OGFOD2: variants seen among roughly 807,000 people sequenced by gnomAD.
OGFOD2 encodes the protein 2-oxoglutarate and iron dependent oxygenase domain containing 2.
In OGFOD2, 34 loss-of-function variants were observed where a neutral mutation model predicts 31.1. The observed-to-expected ratio is 1.09, with a 90% CI of 0.83 to 1.45. The LOEUF (loss-of-function observed/expected upper bound fraction) is 1.45. OGFOD2 is among the 40% of genes most tolerant of loss of function. OGFOD2 has a pLI of 0.00. For missense variants in OGFOD2, 537 were observed against 433.9 expected, an observed-to-expected ratio of 1.24 and a Z score of -2.11; for synonymous variants, 240 against 192.3, an observed-to-expected ratio of 1.25 and a Z score of -2.05.
intron 2 of OGFOD2, 125 bp downstream of exon 2, chr12:122,975,992 C>T: frequency 6.2e-6 from 4 of 647,490 alleles, no homozygotes; most frequent in Non-Finnish European, 1.1e-5. Flanking sequence ...CACTTTCCTC[C>T]TTCCTGCCCC....
chr12:122,978,362 G>A (rs2037494420), intron 4 of OGFOD2, 80 bp from the exon 5 acceptor site: 4 of 1,567,468 alleles, frequency 2.6e-6, no homozygotes, highest in Admixed American at 3.5e-5. Flanking sequence ...TGGCACAGGT[G>A]ATGAAACAGG....
At position 122,978,986 on chromosome 12, in the gene OGFOD2, C is replaced by T. The variant is rs751901559; in HGVS notation, c.765C>T (p.Ala255=). 3.7e-6 allele frequency: 6 copies of T among 1,612,960 alleles called. No individual in the cohort carries two copies. The South Asian group carries it at 5.5e-5, about 15-fold the overall frequency. ...TGGGCAAGGTCTTCACAGGGGGCGCCCTGTATTTTGGGGGCCTCTTCCAGG... is the reference window on the plus strand; with the variant it reads ...TGGGCAAGGTCTTCACAGGGGGCGCTCTGTATTTTGGGGGCCTCTTCCAGG... The change falls in exon 6 of 7, where the codon GCC becomes GCT. Residue 255 remains alanine, a synonymous_variant. Transcript: ENST00000228922.
intron 2 of OGFOD2, 178 bp from the exon 3 acceptor site, chr12:122,976,476 G>A: frequency 2.0e-6 from 3 of 1,514,312 alleles, no homozygotes; most frequent in Non-Finnish European, 2.7e-6. Context: ...CCTTCTAGAA[G>A]TCCCTTTCAG....
exon 6 of OGFOD2, chr12:122,978,842 T>C: frequency 6.2e-7 from 1 of 1,612,810 alleles, no homozygotes; most frequent in Non-Finnish European, 8.5e-7. Flanking sequence ...TGCTGTACCC[T>C]GACTGTGGCG....
intron 1 of OGFOD2, 198 bp downstream of exon 1, chr12:122,975,581 G>A (rs2037394345): frequency 5.1e-6 from 3 of 592,970 alleles, no homozygotes; most frequent in Non-Finnish European, 3.0e-6. Flanking sequence ...AGGAAGGAAT[G>A]AACAAGCATG....
chr12:122,979,227 G>C (rs750254321), exon 7 of OGFOD2: 3 of 1,612,592 alleles, frequency 1.9e-6, no homozygotes, highest in Non-Finnish European at 2.5e-6. Flanking sequence ...AGCCTCTGCT[G>C]TGCGCAACAG....
At chr12:122,978,551 C>T in exon 5 of OGFOD2, 3 of 1,613,166 alleles carry the variant, frequency 1.9e-6, no homozygotes, top group Non-Finnish European at 2.5e-6. Context: ...GGAGGCCCAA[C>T]ACCATGAACA....
rs765785477 is a variant in OGFOD2 at position 122,977,075 on chromosome 12, A to AC, written c.403+107dup. On this transcript the variant is annotated intron_variant, in intron 4 of 6. Coordinates refer to ENST00000228922, the Ensembl canonical transcript of OGFOD2. ...CCAGCCACCATCTCTGCCTCCAAAAACCAAACCAGCAGGAGCTGGAAGGGT... is the reference window on the plus strand; with the variant it reads ...CCAGCCACCATCTCTGCCTCCAAAAACCCAAACCAGCAGGAGCTGGAAGGGT... 1.5e-5 allele frequency: 16 copies of AC among 1,092,614 alleles called. No individual in the cohort carries two copies. The Admixed American group carries it at 2.5e-4, about 17-fold the overall frequency. The allele number at this position is 1,092,614 out of a possible 1,614,324, so 67.7% of individuals were successfully genotyped here. A position where few individuals can be genotyped will look rare whatever the true frequency, so the allele number is the denominator to read the frequency against.
At chr12:122,978,802 G>A (rs899849755) in exon 6 of OGFOD2, 28 of 1,612,218 alleles carry the variant, frequency 1.7e-5, no homozygotes, top group African/African-American at 9.3e-5. Flanking sequence ...ACACCACTGC[G>A]GGAGCGCTTC....
chr12:122,975,644 G>A, intron 1 of OGFOD2, 167 bp from the exon 2 acceptor site: 1 of 618,052 alleles, frequency 1.6e-6, no homozygotes, highest in Non-Finnish European at 3.0e-6. Flanking sequence ...AGCAACACCA[G>A]CCCGGAGCCC....
chr12:122,976,312 G>T (rs753042138), intron 2 of OGFOD2: 10 of 1,523,386 alleles, frequency 6.6e-6, no homozygotes. Flanking sequence ...TCAGTGGTGG[G>T]AAGCTTCCCA....
exon 7 of OGFOD2, chr12:122,979,233 A>C (rs768432422): frequency 1.2e-6 from 2 of 1,612,624 alleles, no homozygotes; most frequent in Non-Finnish European, 1.7e-6. Context: ...TGCTGTGCGC[A>C]ACAGCCTCTG....
chr12:122,976,938 A>G, exon 4 of OGFOD2: 1 of 1,613,826 alleles, frequency 6.2e-7, no homozygotes, highest in East Asian at 2.2e-5. Context: ...GCAGACCTCA[A>G]GGGCCTTCTC....
exon 7 of OGFOD2, chr12:122,979,910 T>G: frequency 3.4e-6 from 1 of 296,776 alleles, no homozygotes; most frequent in Non-Finnish European, 6.2e-6. Context: ...CCCATTCTGC[T>G]TCTGCCACTT....
chr12:122,979,961 C>T, exon 7 of OGFOD2: 1 of 372,800 alleles, frequency 2.7e-6, no homozygotes, highest in Non-Finnish European at 4.7e-6. Flanking sequence ...CTTTTGGTGC[C>T]TTCGTTTCCT....
intron 2 of OGFOD2, 51 bp from the exon 3 acceptor site, chr12:122,976,603 G>A (rs768096572): frequency 2.2e-6 from 3 of 1,380,550 alleles, no homozygotes; most frequent in Non-Finnish European, 3.1e-6. Flanking sequence ...CTGTACAGTG[G>A]CCTCAGGAGG....
chr12:122,976,997 A>C, intron 4 of OGFOD2, 27 bp downstream of exon 4: 1 of 1,599,600 alleles, frequency 6.3e-7, no homozygotes, highest in African/African-American at 1.3e-5. Context: ...GAGACCTGGC[A>C]GGACCAGGGA....
At chr12:122,975,861 A>T in exon 2 of OGFOD2, 1 of 702,952 alleles carries the variant, frequency 1.4e-6, no homozygotes. Context: ...AGCAGCTGTT[A>T]GCAGAGGTAC....
chr12:122,976,434 C>A, intron 2 of OGFOD2: 5 of 1,611,278 alleles, frequency 3.1e-6, no homozygotes, highest in Non-Finnish European at 4.2e-6. Context: ...CAGCTAGGCT[C>A]AGGTTGGGGC....
Sources: allele counts gnomAD v4.1 joint callset, GRCh38; gene constraint gnomAD v4.1.1; transcripts MANE v1.5; gene names NCBI Gene and HGNC (gene_info 2026-07-23, HGNC 2026-07-21).